The following RTKN variants were observed in gnomAD, a reference collection of about 807,000 sequenced individuals.
The protein encoded by RTKN is rhotekin.
RTKN carries 49 observed loss-of-function variants against 63.5 expected under a neutral mutation model. The ratio of observed to expected loss-of-function variants is 0.77; its 90% CI spans 0.61 to 0.98. The LOEUF (loss-of-function observed/expected upper bound fraction) is 0.98, where lower values mean the gene tolerates loss of function less well. RTKN is among the 50% of genes least tolerant of loss of function. The pLI, the probability that RTKN is intolerant of heterozygous loss-of-function variation, is 0.00. For synonymous variants in RTKN, 295 were observed against 290.4 expected (o/e 1.02, Z -0.16); for missense variants, 685 against 740.8 (o/e 0.92, Z 0.87).
intron 8 of RTKN, 36 bp from the exon 9 acceptor site, chr2:74,428,432 C>T (rs369364431): frequency 2.4e-5 from 38 of 1,613,854 alleles, no homozygotes; most frequent in Non-Finnish European, 3.0e-5. Context: ...GGGGAAGTCA[C>T]GGCCCCCAGT....
chr2:74,431,004 G>C (rs1300088070), intron 2 of RTKN: 3 of 317,924 alleles, frequency 9.4e-6, no homozygotes, highest in Admixed American at 4.5e-5. Context: ...GGTGCCCACA[G>C]AAAGACTTCA....
At chr2:74,435,069 A>G (rs1480124715) in intron 1 of RTKN, among the ~76,000 whole-genome samples, 1 of 152,120 alleles carries the variant, frequency 6.6e-6, no homozygotes, top group Non-Finnish European at 1.5e-5. Context: ...CCAAATTAAG[A>G]GAATCACCAC....
intron 6 of RTKN, 22 bp downstream of exon 6, chr2:74,429,806 G>A (rs574306612): frequency 1.2e-6 from 2 of 1,603,480 alleles, no homozygotes; most frequent in African/African-American, 2.7e-5. Context: ...GCTGAGGGTG[G>A]TGTCGGTGTG....
At chr2:74,428,116 G>A (rs1670516993) in intron 9 of RTKN, 152 bp downstream of exon 9, 3 of 925,922 alleles carry the variant, frequency 3.2e-6, no homozygotes, top group Non-Finnish European at 4.9e-6. Context: ...TGTAGTTGGG[G>A]AAAATACGGG....
chr2:74,429,947 C>A lies in RTKN; in HGVS notation c.636G>T (p.Arg212Ser). The stretch of plus-strand genomic sequence containing the variant: ...GGGAGCTGCTGAGTTTGGTGGCAAG[C>A]CTCTTGGGGCCGCCAGTCAGGGCCC... Reference protein sequence around the residue: ...EEGALTGGPKRLATKLSSSLG... With the variant: ...EEGALTGGPKSLATKLSSSLG... Residue 212 changes from arginine to serine, a missense_variant, in exon 6 of 12, where the codon AGG becomes AGT. Physicochemically the swap from Arg to Ser is moderately radical, Grantham distance 110. Transcript: ENST00000272430. The A allele has an allele frequency of 6.2e-7, 1 of 1,614,240 alleles. No homozygotes were observed. The highest frequency in any genetic ancestry group is 8.5e-7 in the Non-Finnish European group (1 of 1,180,040).
chr2:74,441,890 C>G lies in RTKN; in HGVS notation c.-74G>C. 1 of 896,168 alleles carries G rather than the reference C, an allele frequency of 1.1e-6. No individual in the cohort carries two copies. The highest frequency in any genetic ancestry group is 1.8e-6 in the Non-Finnish European group (1 of 567,356). 55.5% of individuals were successfully genotyped at this position (896,168 alleles called of 1,614,324 possible). On this transcript the variant is annotated 5_prime_UTR_variant, in exon 1 of 12. Coordinates refer to ENST00000272430, the MANE Select transcript of RTKN (RefSeq NM_001015055.2). ...CGGCTTAGCCTCCTCTCCTCGGCTT[C>G]TGTCTCTCGACGCTCGTCCGCCAGT...
chr2:74,433,972 G>A (rs1670911505), intron 1 of RTKN, among the ~76,000 whole-genome samples: 1 of 151,984 alleles, frequency 6.6e-6, no homozygotes, highest in Non-Finnish European at 1.5e-5. Context: ...GGGTAGTATT[G>A]CACATACTAC....
Position 74,430,310 on chromosome 2 carries a change from CTG to C in RTKN, c.485_486del (p.Thr162ArgfsTer22). On this transcript the variant is annotated frameshift_variant, in exon 5 of 12. Transcript: ENST00000272430. LOFTEE classifies it high-confidence loss of function. ...AGGGTCCTGTCCACTAGGATCATCT[CTG>C]TGTCCTGGATGTGTTCCCCCAGCTG... Reference protein sequence around the residue: ...LLQLGEHIQDTEMILVDRTLT... With the variant: ...LLQLGEHIQDXEMILVDRTLT... The C allele has an allele frequency of 6.2e-7, 1 of 1,614,092 alleles. No individual in the cohort carries two copies. The highest frequency in any genetic ancestry group is 1.1e-5 in the South Asian group (1 of 91,072).
intron 1 of RTKN, chr2:74,439,667 G>C (rs1450354974): frequency 6.2e-7 from 1 of 1,611,986 alleles, no homozygotes; most frequent in Admixed American, 1.7e-5. Flanking sequence ...CCCTCCAGAG[G>C]GGGGACAGAT....
rs771739969 is a variant in RTKN at position 74,426,523 on chromosome 2, C to G, written c.1412G>C (p.Arg471Pro). The G allele has an allele frequency of 7.7e-6, 12 of 1,556,486 alleles. No homozygotes were observed. The highest frequency in any genetic ancestry group is 1.0e-5 in the Non-Finnish European group (12 of 1,149,118). The stretch of plus-strand genomic sequence containing the variant: ...GGGTGTCTCCAGCCTTGCGCCCTCC[C>G]GCTGGGTCAGGATGTCTGTCACCGC... ...IAAVTDILTQ[R>P]EGARLETPPP... The change falls in exon 12 of 12, where the codon CGG becomes CCG. Residue 471 changes from arginine to proline, a missense_variant. Coordinates refer to ENST00000272430, the MANE Select transcript of RTKN (RefSeq NM_001015055.2).
At chr2:74,430,706 G>C in intron 2 of RTKN, 29 bp from the exon 3 acceptor site, 3 of 1,599,774 alleles carry the variant, frequency 1.9e-6, no homozygotes, top group Non-Finnish European at 2.6e-6. Context: ...GTCCTGGCCT[G>C]GCCTCTAGCC....
intron 2 of RTKN, 93 bp from the exon 3 acceptor site, chr2:74,430,770 G>T: frequency 7.9e-7 from 1 of 1,272,058 alleles, no homozygotes; most frequent in Non-Finnish European, 1.1e-6. Flanking sequence ...TGATCCCAGC[G>T]CCTCAGCCAC....
chr2:74,434,245 G>A (rs931121609), intron 1 of RTKN, among the ~76,000 whole-genome samples: 19 of 151,488 alleles, frequency 1.3e-4, no homozygotes, highest in African/African-American at 4.6e-4. Context: ...TGAGATTACA[G>A]GCATGTGCCA....
Position 74,428,858 on chromosome 2 carries a change from A to G in RTKN, c.840T>C (p.Leu280=). Residue 280 remains leucine (L), a synonymous_variant, in exon 7 of 12, where the codon CTT becomes CTC. Coordinates refer to ENST00000272430, the MANE Select transcript of RTKN (RefSeq NM_001015055.2). ...CACACACATACTTACCATGACTGGCAAGGGTGAGGTCATGTGTGCGGAATC... is the reference window on the plus strand; with the variant it reads ...CACACACATACTTACCATGACTGGCGAGGGTGAGGTCATGTGTGCGGAATC... The part of the protein sequence containing the change: ...QDGFRTHDLT[L]ASHEENPAWL... The G allele has an allele frequency of 6.2e-7, 1 of 1,613,896 alleles. No homozygotes were observed. Among genetic ancestry groups the G allele is most frequent in the Middle Eastern group, 1.6e-4 (1 of 6,062 alleles).
Position 74,441,697 on chromosome 2 carries a change from G to C in RTKN, c.111+9C>G. The C allele has an allele frequency of 6.2e-7, 1 of 1,601,040 alleles. No homozygotes were observed. The highest frequency in any genetic ancestry group is 2.2e-5 in the East Asian group (1 of 44,550). On this transcript the variant is annotated intron_variant, in intron 1 of 11. Coordinates refer to ENST00000272430, the MANE Select transcript of RTKN (RefSeq NM_001015055.2). The stretch of plus-strand genomic sequence containing the variant: ...GCGGAAGGGGAAGGCAGGGACGCGA[G>C]TCTCTCACCTCGGGCAGGTCGCTGA...
chr2:74,429,010 G>T, intron 6 of RTKN, 68 bp from the exon 7 acceptor site: 1 of 1,247,988 alleles, frequency 8.0e-7, no homozygotes, highest in Non-Finnish European at 1.2e-6. Context: ...TCTAAGGGCT[G>T]AGCAGATCTG....
At chr2:74,431,054 C>A in intron 2 of RTKN, 1 of 211,464 alleles carries the variant, frequency 4.7e-6, no homozygotes, top group Non-Finnish European at 9.5e-6. Context: ...TTAGAGGGGT[C>A]TCCAGTCTTT....
At chr2:74,427,815 G>T in intron 9 of RTKN, 1 of 559,990 alleles carries the variant, frequency 1.8e-6, no homozygotes, top group Non-Finnish European at 3.2e-6. Flanking sequence ...CAGGGAAAAA[G>T]GGATTGAGCA....
chr2:74,437,255 G>A (rs1671114759), intron 1 of RTKN, among the ~76,000 whole-genome samples: 2 of 152,114 alleles, frequency 1.3e-5, no homozygotes, highest in Non-Finnish European at 2.9e-5. Context: ...CTCTACCTGG[G>A]CCTAGCACAT....
Sources: allele counts gnomAD v4.1 joint callset (sites outside exome capture counted in the v4.1 genomes callset), GRCh38; gene constraint gnomAD v4.1.1; transcripts MANE v1.5; gene names NCBI Gene and HGNC (gene_info 2026-07-23, HGNC 2026-07-21).